Variants in EEA1 observed in about 807,000 individuals in gnomAD.
EEA1 encodes early endosome antigen 1.
A neutral mutation model predicts 209.2 loss-of-function variants in EEA1; 111 were observed. The observed-to-expected ratio is 0.53, with a 90% CI of 0.45 to 0.62. The LOEUF (loss-of-function observed/expected upper bound fraction) is 0.62. Ranked by LOEUF, EEA1 falls within the 20% of genes least tolerant of loss-of-function variation. The probability of loss-of-function intolerance (pLI) is 0.00; values close to 1 mark genes in which losing one functional copy is unlikely to be tolerated. For missense variants in EEA1, 1,343 were observed against 1,530.8 expected, an observed-to-expected ratio of 0.88 and a Z score of 2.05; for synonymous variants, 536 against 540.6, an observed-to-expected ratio of 0.99 and a Z score of 0.12.
At chr12:92,925,561 A>G (rs1460995518) in intron 1 of EEA1, among the ~76,000 whole-genome samples, 2 of 152,228 alleles carry the variant, frequency 1.3e-5, no homozygotes, top group Non-Finnish European at 2.9e-5. Context: ...AAGGTTTACA[A>G]GCTGCCTAAG....
At chr12:92,854,016 G>T in intron 5 of EEA1, 62 bp from the exon 6 acceptor site, 2 of 1,268,426 alleles carry the variant, frequency 1.6e-6, no homozygotes, top group Non-Finnish European at 1.1e-6. Flanking sequence ...CTGTTAAAAT[G>T]GTCAATGTTA....
At chr12:92,894,637 C>T (rs1879792091) in intron 1 of EEA1, among the ~76,000 whole-genome samples, 1 of 152,114 alleles carries the variant, frequency 6.6e-6, no homozygotes. Context: ...TTCAATTGTA[C>T]GAAGGCTGAC....
intron 10 of EEA1, among the ~76,000 whole-genome samples, chr12:92,839,547 T>C (rs1877076827): frequency 6.6e-6 from 1 of 152,228 alleles, no homozygotes; most frequent in Admixed American, 6.5e-5. Context: ...AGAATCTACC[T>C]GTCCTATATT....
rs766226630 is a variant in EEA1, at chr12:92,864,890, T to C, written c.215A>G (p.His72Arg). ...AVHDAGNDSG[H>R]GGESNLALKR... ...CAAAGCAAGATTAGACTCTCCTCCA[T>C]GACCTGAGTCATTACCAGCATCATG... The change falls in exon 3 of 29, where the codon CAT (histidine) becomes CGT (arginine). Residue 72 changes from histidine (H) to arginine (R), a missense_variant. His to Arg is a conservative substitution (Grantham distance 29). This residue lies in a region of EEA1 where 1,307 missense variants were observed against 1,465.5 expected (regional missense o/e 0.89). Coordinates refer to ENST00000322349, the MANE Select transcript of EEA1 (RefSeq NM_003566.4). 9 of 1,608,898 alleles carry C rather than the reference T, an allele frequency of 5.6e-6. 1 individual carries two copies. The highest frequency in any genetic ancestry group is 2.7e-5 in the African/African-American group (2 of 74,764).
intron 21 of EEA1, among the ~76,000 whole-genome samples, chr12:92,795,690 T>G (rs1874627944): frequency 6.6e-6 from 1 of 152,200 alleles, no homozygotes; most frequent in Non-Finnish European, 1.5e-5. Flanking sequence ...AGAGCTGATC[T>G]CCCTATACAG....
chr12:92,825,129 G>T (rs1005467013), intron 13 of EEA1, among the ~76,000 whole-genome samples: 1 of 152,178 alleles, frequency 6.6e-6, no homozygotes, highest in African/African-American at 2.4e-5. Flanking sequence ...ATTAATGAAA[G>T]AATGAATTAA....
At chr12:92,881,956 T>TTCC (rs1031313398) in intron 2 of EEA1, among the ~76,000 whole-genome samples, 15 of 151,938 alleles carry the variant, frequency 9.9e-5, no homozygotes, top group African/African-American at 3.4e-4. Flanking sequence ...ACTCCATTTC[T>TTCC]TCCTCCTCCT....
chr12:92,836,901 T>C (rs993977347), intron 10 of EEA1, among the ~76,000 whole-genome samples: 7 of 151,954 alleles, frequency 4.6e-5, no homozygotes, highest in African/African-American at 1.7e-4. Flanking sequence ...GGCGGGCAGA[T>C]CACAAGGTCA....
At chr12:92,862,299 T>G (rs889388683) in intron 3 of EEA1, among the ~76,000 whole-genome samples, 1 of 152,220 alleles carries the variant, frequency 6.6e-6, no homozygotes, top group African/African-American at 2.4e-5. Context: ...ATTTGCATTT[T>G]AAGAATATTA....
chr12:92,921,303 T>G lies in EEA1; in HGVS notation c.24+7740A>C, dbSNP rs1455763248. On this transcript the variant is annotated intron_variant, in intron 1 of 28. Transcript: ENST00000322349. ...TGCTATAAAGACACATGCACACGTA[T>G]GTTTATTGCGGCACTATTCACAATA... Among the ~76,000 whole-genome samples, 5 of 134,654 alleles carry G rather than the reference T, an allele frequency of 3.7e-5. No individual in the cohort carries two copies. The East Asian group carries it at 6.1e-4, about 16-fold the overall frequency. The allele number at this position is 134,654 out of a possible 152,430, so 88.3% of individuals were successfully genotyped here.
intron 2 of EEA1, among the ~76,000 whole-genome samples, chr12:92,866,736 T>C (rs1878414769): frequency 6.6e-6 from 1 of 152,160 alleles, no homozygotes; most frequent in Admixed American, 6.6e-5. Flanking sequence ...TTTAACAACA[T>C]ATATCTCTAC....
chr12:92,917,366 G>C (rs1370265577), intron 1 of EEA1, among the ~76,000 whole-genome samples: 1 of 146,264 alleles, frequency 6.8e-6, no homozygotes, highest in Non-Finnish European at 1.5e-5. Flanking sequence ...TATCCTCAAA[G>C]GGAAGCCCAT....
intron 2 of EEA1, among the ~76,000 whole-genome samples, chr12:92,872,935 CAG>C (rs1878718576): frequency 6.6e-6 from 1 of 152,066 alleles, no homozygotes; most frequent in Non-Finnish European, 1.5e-5. Flanking sequence ...GCCTGGGTGA[CAG>C]AGTCAGACTC....
intron 19 of EEA1, 56 bp downstream of exon 19, chr12:92,802,348 T>G: frequency 6.9e-7 from 1 of 1,446,162 alleles, no homozygotes; most frequent in South Asian, 1.3e-5. Context: ...GAAAAATCAG[T>G]ACATTTTAAA....
At chr12:92,807,470 T>C (rs578252314) in intron 18 of EEA1, among the ~76,000 whole-genome samples, 2 of 152,224 alleles carry the variant, frequency 1.3e-5, no homozygotes, top group South Asian at 4.1e-4. Flanking sequence ...AAAAGGCCTA[T>C]AGGTTGGAAA....
chr12:92,804,905 C>A (rs754742160), intron 18 of EEA1, among the ~76,000 whole-genome samples: 2 of 152,022 alleles, frequency 1.3e-5, no homozygotes, highest in African/African-American at 4.8e-5. Context: ...AGGTAGTACT[C>A]CAGAAATGTG....
At chr12:92,904,056 G>A (rs879942888) in intron 1 of EEA1, among the ~76,000 whole-genome samples, 17 of 151,634 alleles carry the variant, frequency 1.1e-4, no homozygotes, top group Non-Finnish European at 2.2e-4. Flanking sequence ...CCCGCCTCCC[G>A]GGTTCAAGCG....
At chr12:92,892,872 C>G (rs11615429) in intron 1 of EEA1, among the ~76,000 whole-genome samples, 39,044 of 151,886 alleles carry the variant, frequency 0.26, 5,471 homozygotes, top group Non-Finnish European at 0.32. Flanking sequence ...TCAAGTGATC[C>G]CCCCACCTTG....
At chr12:92,810,991 GGTAGA>G (rs1875469266) in intron 17 of EEA1, among the ~76,000 whole-genome samples, 1 of 152,014 alleles carries the variant, frequency 6.6e-6, no homozygotes, top group Non-Finnish European at 1.5e-5. Context: ...TCCTTGTAAT[GGTAGA>G]GTAGATACCT....
Sources: allele counts gnomAD v4.1 joint callset (sites outside exome capture counted in the v4.1 genomes callset), GRCh38; gene constraint gnomAD v4.1.1; regional missense constraint gnomAD v4.1.1; transcripts MANE v1.5; gene names NCBI Gene and HGNC (gene_info 2026-07-23, HGNC 2026-07-21).